KDM2A: variants seen among roughly 807,000 people sequenced by gnomAD.
KDM2A encodes lysine-specific demethylase 2A.
A neutral mutation model predicts 137.3 loss-of-function variants in KDM2A; 3 were observed. That is an observed-to-expected ratio of 0.02 (90% confidence interval 0.01 to 0.06). KDM2A has a LOEUF of 0.06. Among genes scored for constraint, KDM2A ranks in the 10% least tolerant of loss-of-function variants. KDM2A has a pLI of 1.00. For missense variants in KDM2A, 738 were observed against 1,510.6 expected (o/e 0.49, Z 8.48); for synonymous variants, 512 against 541.5 (o/e 0.95, Z 0.76).
intron 2 of KDM2A, among the ~76,000 whole-genome samples, chr11:67,157,336 AAAC>A (rs1856540444): frequency 3.3e-5 from 5 of 151,598 alleles, no homozygotes; most frequent in South Asian, 2.1e-4. Context: ...AAAAAACAAA[AAAC>A]ACCACACAGT....
rs1484489908 is a variant in KDM2A at position 67,230,084 on chromosome 11, A to G, written c.1085-1482A>G. On this transcript the variant is annotated intron_variant, in intron 11 of 20. Coordinates refer to ENST00000529006, the MANE Select transcript of KDM2A (RefSeq NM_012308.3). ...CCAGCTATTTGGGAGGCTGAGGCAGAAGAATGGCGTGAACCCAGAAGGTGG... is the reference window on the plus strand; with the variant it reads ...CCAGCTATTTGGGAGGCTGAGGCAGGAGAATGGCGTGAACCCAGAAGGTGG... Among the ~76,000 whole-genome samples, 3 of 150,840 alleles carry G rather than the reference A, an allele frequency of 2.0e-5. No individual in the cohort carries two copies. In the East Asian group the frequency reaches 5.9e-4, roughly 29 times the overall value.
intron 2 of KDM2A, among the ~76,000 whole-genome samples, chr11:67,144,249 A>T (rs1322817629): frequency 6.8e-6 from 1 of 146,496 alleles, no homozygotes; most frequent in Non-Finnish European, 1.5e-5. Flanking sequence ...CTTGGCCTTA[A>T]ATTTTTTTTT....
intron 12 of KDM2A, among the ~76,000 whole-genome samples, chr11:67,237,792 A>G (rs1420937461): frequency 6.6e-6 from 1 of 152,094 alleles, no homozygotes; most frequent in African/African-American, 2.4e-5. Flanking sequence ...CAAAAAAATT[A>G]AGAAATTAGC....
At chr11:67,141,067 C>T (rs1473853808) in intron 2 of KDM2A, among the ~76,000 whole-genome samples, 1 of 152,092 alleles carries the variant, frequency 6.6e-6, no homozygotes, top group African/African-American at 2.4e-5. Flanking sequence ...CTCAGTTTAT[C>T]CCCCTCTCTT....
At chr11:67,154,659 G>A (rs756606426) in intron 2 of KDM2A, among the ~76,000 whole-genome samples, 16 of 151,532 alleles carry the variant, frequency 1.1e-4, no homozygotes, top group Non-Finnish European at 1.6e-4. Context: ...GGCTAGTCTC[G>A]AACTCTTGGC....
At chr11:67,137,557 A>T (rs1250581979) in intron 2 of KDM2A, among the ~76,000 whole-genome samples, 1 of 152,178 alleles carries the variant, frequency 6.6e-6, no homozygotes, top group Non-Finnish European at 1.5e-5. Flanking sequence ...GTCAGTGTAA[A>T]GGAGGTAAAT....
intron 2 of KDM2A, among the ~76,000 whole-genome samples, chr11:67,141,388 C>T (rs376376051): frequency 1.4e-3 from 214 of 151,890 alleles, no homozygotes; most frequent in African/African-American, 2.4e-3. Flanking sequence ...TGTTATTGGC[C>T]GGGCGCGGTG....
At chr11:67,252,907 G>A in intron 18 of KDM2A, 50 bp downstream of exon 18, 1 of 1,556,272 alleles carries the variant, frequency 6.4e-7, no homozygotes, top group Non-Finnish European at 8.7e-7. Flanking sequence ...GAAGAAGCGG[G>A]CAAGAAAAGT....
At chr11:67,131,859 TGTTAAAACG>T (rs1855862007) in intron 2 of KDM2A, 1 of 152,228 alleles carries the variant, frequency 6.6e-6, no homozygotes, top group South Asian at 2.1e-4. Context: ...GCACTTGATC[TGTTAAAACG>T]GCAGTATTGT....
chr11:67,224,333 G>A (rs889439119), intron 10 of KDM2A, among the ~76,000 whole-genome samples: 2 of 152,074 alleles, frequency 1.3e-5, no homozygotes, highest in Non-Finnish European at 2.9e-5. Context: ...GGCCAGATAT[G>A]GTGGTTCATG....
chr11:67,219,201 T>C (rs763873935), intron 9 of KDM2A, 87 bp from the exon 10 acceptor site: 34 of 500,480 alleles, frequency 6.8e-5, no homozygotes, highest in Non-Finnish European at 1.8e-5. Context: ...GTGAAGAGTG[T>C]GATCTAGGGG....
chr11:67,215,674 G>GAAAAA, intron 7 of KDM2A, 182 bp from the exon 8 acceptor site: 1 of 524,934 alleles, frequency 1.9e-6, no homozygotes, highest in South Asian at 2.4e-5. Context: ...CAATACGGTA[G>GAAAAA]AAAAAAAAAA....
intron 11 of KDM2A, among the ~76,000 whole-genome samples, chr11:67,229,961 G>C (rs1394842310): frequency 6.6e-6 from 1 of 152,026 alleles, no homozygotes; most frequent in Non-Finnish European, 1.5e-5. Flanking sequence ...CCAATCACGA[G>C]GTCAGGAGAT....
chr11:67,135,653 G>A (rs988178751), intron 2 of KDM2A, among the ~76,000 whole-genome samples: 1 of 152,134 alleles, frequency 6.6e-6, no homozygotes, highest in Admixed American at 6.5e-5. Flanking sequence ...TGTAGTGATC[G>A]TTTTATAGTA....
intron 2 of KDM2A, among the ~76,000 whole-genome samples, chr11:67,175,196 G>A (rs1222055018): frequency 5.3e-5 from 8 of 152,162 alleles, no homozygotes; most frequent in Admixed American, 1.3e-4. Flanking sequence ...TATGAGATAT[G>A]TTATAGAAGC....
rs1042821471 is a variant in KDM2A, at chr11:67,203,496, T to G, written c.308-4014T>G. Among the ~76,000 whole-genome samples, 5 of 147,322 alleles carry G rather than the reference T, an allele frequency of 3.4e-5. No individual in the cohort carries two copies. The East Asian group carries it at 7.8e-4, about 23-fold the overall frequency. ...TAATTATTAATATATATTAATATAT[T>G]TTTATATAATATATAATATAAAATA... On this transcript the variant is annotated intron_variant, in intron 5 of 20. Transcript: ENST00000529006.
In KDM2A at chr11:67,243,012, T is replaced by G; in HGVS notation, c.1483T>G (p.Leu495Val). 6.2e-7 allele frequency: 1 copy of G among 1,613,620 alleles called. No homozygotes were observed. The highest frequency in any genetic ancestry group is 1.1e-5 in the South Asian group (1 of 91,084). The change falls in exon 13 of 21, where the codon TTG becomes GTG. Residue 495 changes from leucine (L) to valine (V), a missense_variant. Leu to Val is a conservative substitution (Grantham distance 32). This residue lies in a region of KDM2A where 71 missense variants were observed against 147.9 expected (regional missense o/e 0.48). Coordinates refer to ENST00000529006, the MANE Select transcript of KDM2A (RefSeq NM_012308.3). ...EDALIADVKI[L>V]LEELANSDPK... Reference sequence around the variant, plus strand: ...TTCTTTTCCCTCCTACCCTTAGATTTTGCTGGAGGAGCTTGCCAACAGCGA... The same window carrying G: ...TTCTTTTCCCTCCTACCCTTAGATTGTGCTGGAGGAGCTTGCCAACAGCGA...
chr11:67,132,320 G>A (rs1022473436), intron 2 of KDM2A, among the ~76,000 whole-genome samples: 2 of 152,302 alleles, frequency 1.3e-5, no homozygotes, highest in South Asian at 2.1e-4. Context: ...GTCTCACTGC[G>A]ATGTCCAGGC....
chr11:67,137,551 G>A (rs1200161129), intron 2 of KDM2A, among the ~76,000 whole-genome samples: 1 of 152,162 alleles, frequency 6.6e-6, no homozygotes, highest in Admixed American at 6.6e-5. Flanking sequence ...TTGAGGGTCA[G>A]TGTAAAGGAG....
Sources: allele counts gnomAD v4.1 joint callset (sites outside exome capture counted in the v4.1 genomes callset), GRCh38; gene constraint gnomAD v4.1.1; regional missense constraint gnomAD v4.1.1; transcripts MANE v1.5; gene names NCBI Gene and HGNC (gene_info 2026-07-23, HGNC 2026-07-21).